Variants in CACNA1E observed in about 807,000 individuals in gnomAD.
The protein encoded by CACNA1E is calcium voltage-gated channel subunit alpha1 E, also known as voltage-dependent R-type calcium channel subunit alpha-1E.
CACNA1E carries 40 observed loss-of-function variants against 259.2 expected under a neutral mutation model. That is an observed-to-expected ratio of 0.15 (90% CI 0.12 to 0.20). CACNA1E has a LOEUF of 0.20. Among genes scored for constraint, CACNA1E ranks in the 10% least tolerant of loss-of-function variants. The probability of loss-of-function intolerance (pLI) is 1.00; values close to 1 mark genes in which losing one functional copy is unlikely to be tolerated. For synonymous variants in CACNA1E, 1,104 were observed against 1,138.5 expected (o/e 0.97, Z 0.61); for missense variants, 1,874 against 3,040.1 (o/e 0.62, Z 9.02).
chr1:181,658,256 A>G (rs547040112), intron 7 of CACNA1E, among the ~76,000 whole-genome samples: 4 of 152,286 alleles, frequency 2.6e-5, no homozygotes, highest in South Asian at 2.1e-4. Flanking sequence ...GTGTCTGACC[A>G]CATGGACTCT....
At chr1:181,472,764 CA>C (rs1264112929) in intron 2 of CACNA1E, among the ~76,000 whole-genome samples, 1 of 152,176 alleles carries the variant, frequency 6.6e-6, no homozygotes, top group Non-Finnish European at 1.5e-5. Flanking sequence ...TCTTTTAACA[CA>C]AAAAGCTGAA....
chr1:181,649,124 T>C (rs1474564478), intron 6 of CACNA1E, among the ~76,000 whole-genome samples: 2 of 152,208 alleles, frequency 1.3e-5, no homozygotes, highest in Non-Finnish European at 2.9e-5. Flanking sequence ...CTTAAAACCC[T>C]CAACAACTCT....
chr1:181,456,933 A>C (rs1661499110), intron 2 of CACNA1E, among the ~76,000 whole-genome samples: 1 of 152,238 alleles, frequency 6.6e-6, no homozygotes. Flanking sequence ...TTGTAATTTT[A>C]ATCTTTAAGA....
Position 181,798,320 on chromosome 1 carries a change from T to C in CACNA1E, c.6428T>C (p.Ile2143Thr), listed in dbSNP as rs369522939. The C allele has an allele frequency of 1.9e-6, 3 of 1,602,222 alleles. No individual in the cohort carries two copies. Among genetic ancestry groups the C allele is most frequent in the Non-Finnish European group, 2.6e-6 (3 of 1,175,474 alleles). Residue 2143 changes from isoleucine (I) to threonine (T), a missense_variant, in exon 48 of 48, where the codon ATC becomes ACC. Transcript: ENST00000367573. This position sits in a 1 kb window ranked among gnomAD's most constrained non-coding sequence, Gnocchi z 4.2. ...ACAGGTTCCCTAAGTGAGAGCTCCA[T>C]CCCCTCTGTCTCTGACACCAGCACC... ...QGTGSLSESS[I>T]PSVSDTSTPR...
chr1:181,743,493 C>T (rs140820162), intron 25 of CACNA1E, among the ~76,000 whole-genome samples: 1 of 152,176 alleles, frequency 6.6e-6, no homozygotes, highest in African/African-American at 2.4e-5. Context: ...TTTGGGGGAC[C>T]CTGCTCCCCA....
chr1:181,551,771 T>A (rs1648187722), intron 3 of CACNA1E, among the ~76,000 whole-genome samples: 1 of 152,120 alleles, frequency 6.6e-6, no homozygotes, highest in Non-Finnish European at 1.5e-5. Context: ...GGACTCTCCT[T>A]GTGATGGGGA....
upstream of CACNA1E, among the ~76,000 whole-genome samples, chr1:181,482,981 T>C (rs1663426636): frequency 6.6e-6 from 1 of 152,282 alleles, no homozygotes; most frequent in Non-Finnish European, 1.5e-5. Context: ...GCAGGAGCTT[T>C]GAAGTCATTT....
Position 181,762,567 on chromosome 1 carries a change from T to C in CACNA1E, c.4606-7T>C, listed in dbSNP as rs74444271. On this transcript the variant is annotated splice_polypyrimidine_tract_variant and splice_region_variant and intron_variant, in intron 32 of 47. Transcript: ENST00000367573. ...CTGATGTTCCTATGACTGAATTCAT[T>C]TGGCAGAACTATTTCCGAGACACCT... is the stretch of plus-strand genomic sequence containing the variant. 1.4e-3 allele frequency: 2,123 copies of C among 1,570,006 alleles called. 30 individuals are homozygous for C. The African/African-American group carries it at 0.025, about 19-fold the overall frequency.
Position 181,715,326 on chromosome 1 carries a change from G to A in CACNA1E, c.1172-12G>A, listed in dbSNP as rs1227486660. The A allele has an allele frequency of 6.4e-6, 10 of 1,558,644 alleles. No individual in the cohort carries two copies. Among genetic ancestry groups the A allele is most frequent in the Non-Finnish European group, 8.8e-6 (10 of 1,133,936 alleles). ...TTACAGATAATTTACCAAACCATTT[G>A]TTTCCATATAGAGGAAGTCATGCTC... On this transcript the variant is annotated splice_polypyrimidine_tract_variant and intron_variant, in intron 8 of 47. Coordinates refer to ENST00000367573, the MANE Select transcript of CACNA1E (RefSeq NM_001205293.3).
At chr1:181,472,155 A>T (rs1662551589) in intron 2 of CACNA1E, among the ~76,000 whole-genome samples, 1 of 147,180 alleles carries the variant, frequency 6.8e-6, no homozygotes, top group African/African-American at 2.5e-5. Context: ...TGAAATACAC[A>T]CAGCATGATC....
chr1:181,781,321 CCT>C, intron 38 of CACNA1E, 104 bp from the exon 39 acceptor site: 1 of 674,720 alleles, frequency 1.5e-6, no homozygotes, highest in Non-Finnish European at 2.7e-6. Context: ...TGCCTATTCT[CCT>C]CTCCTATCTG....
intron 6 of CACNA1E, among the ~76,000 whole-genome samples, chr1:181,610,903 A>T (rs948280141): frequency 3.3e-5 from 5 of 152,222 alleles, no homozygotes; most frequent in Non-Finnish European, 7.3e-5. Context: ...TAAGTTCATT[A>T]TTTCCAACTC....
chr1:181,539,497 G>A (rs938451323), intron 3 of CACNA1E, among the ~76,000 whole-genome samples: 1 of 152,178 alleles, frequency 6.6e-6, no homozygotes, highest in Non-Finnish European at 1.5e-5. Context: ...ATGGAAGGTT[G>A]ATCCAGCCAA....
At chr1:181,569,784 T>A (rs778954425) in intron 3 of CACNA1E, among the ~76,000 whole-genome samples, 2 of 152,244 alleles carry the variant, frequency 1.3e-5, no homozygotes, top group South Asian at 2.1e-4. Flanking sequence ...AGAGCATTAC[T>A]GTTGCATATT....
At chr1:181,477,054 G>A (rs1662902466) in intron 2 of CACNA1E, among the ~76,000 whole-genome samples, 1 of 152,172 alleles carries the variant, frequency 6.6e-6, no homozygotes, top group African/African-American at 2.4e-5. Context: ...AGAAAGGCTT[G>A]AAGTGGTAAT....
At chr1:181,623,502 G>A (rs919044221) in intron 6 of CACNA1E, among the ~76,000 whole-genome samples, 6 of 152,150 alleles carry the variant, frequency 3.9e-5, no homozygotes, top group South Asian at 2.1e-4. Flanking sequence ...TATAGATTTC[G>A]TAGATTACAA....
rs1430285738 is a variant in CACNA1E at position 181,793,731 on chromosome 1, A to C, written c.5965A>C (p.Thr1989Pro). The C allele has an allele frequency of 6.2e-7, 1 of 1,611,586 alleles. No individual in the cohort carries two copies. Among genetic ancestry groups the C allele is most frequent in the Non-Finnish European group, 8.5e-7 (1 of 1,179,442 alleles). Reference protein sequence around the residue: ...SNHGIYLPSDTQEHAGSGRAS... With the variant: ...SNHGIYLPSDPQEHAGSGRAS... Reference sequence around the variant, plus strand: ...CCATGGCATCTACCTTCCTTCGGACACCCAGGAGCATGCGGGATCTGGGAG... The same window carrying C: ...CCATGGCATCTACCTTCCTTCGGACCCCCAGGAGCATGCGGGATCTGGGAG... The change falls in exon 45 of 48, where the codon ACC (threonine) becomes CCC (proline). Residue 1989 changes from threonine (T) to proline (P), a missense_variant. Thr to Pro is a conservative substitution (Grantham distance 38). Coordinates refer to ENST00000367573, the MANE Select transcript of CACNA1E (RefSeq NM_001205293.3).
intron 16 of CACNA1E, among the ~76,000 whole-genome samples, chr1:181,723,357 A>G (rs1392633008): frequency 2.6e-5 from 4 of 152,164 alleles, no homozygotes; most frequent in Non-Finnish European, 4.4e-5. Flanking sequence ...TGTTATTGCT[A>G]TGGGTAGAGG....
At chr1:181,365,599 C>T (rs1487200245) in intron 1 of CACNA1E, among the ~76,000 whole-genome samples, 2 of 152,232 alleles carry the variant, frequency 1.3e-5, no homozygotes, top group Non-Finnish European at 2.9e-5. Context: ...AAGGGGAGGC[C>T]TGGGCCGGGG....
Sources: gnomAD v4.1 joint callset for allele counts (sites outside exome capture counted in the v4.1 genomes callset) on GRCh38, gnomAD v4.1.1 for gene constraint, Gnocchi (gnomAD v3.1) non-coding constraint, MANE v1.5 for transcripts, NCBI Gene and HGNC (gene_info 2026-07-23, HGNC 2026-07-21) for gene names.